Variants in SMAD3 observed in about 807,000 individuals in gnomAD.
SMAD3 encodes SMAD family member 3, also known as MAD homolog 3.
A neutral mutation model predicts 51.8 loss-of-function variants in SMAD3; 12 were observed. That is an observed-to-expected ratio of 0.23 (90% CI 0.15 to 0.38). The LOEUF (loss-of-function observed/expected upper bound fraction) is 0.38. Among genes scored for constraint, SMAD3 ranks in the 10% least tolerant of loss-of-function variants. SMAD3 has a pLI of 1.00. For synonymous variants in SMAD3, 238 were observed against 227.7 expected, an observed-to-expected ratio of 1.05 and a Z score of -0.41; for missense variants, 294 against 565.6, an observed-to-expected ratio of 0.52 and a Z score of 4.87.
chr15:67,080,550 CAG>C (rs772064146), intron 1 of SMAD3, among the ~76,000 whole-genome samples: 3 of 152,166 alleles, frequency 2.0e-5, no homozygotes, highest in Non-Finnish European at 4.4e-5. Flanking sequence ...TGGCCAAGAG[CAG>C]AGACTTCTGG....
At chr15:67,104,366 A>G (rs1431779056) in intron 1 of SMAD3, among the ~76,000 whole-genome samples, 1 of 152,198 alleles carries the variant, frequency 6.6e-6, no homozygotes, top group Non-Finnish European at 1.5e-5. Flanking sequence ...AGAGACACTA[A>G]TCAATGTATC....
chr15:67,124,382 G>A (rs1201471694), intron 1 of SMAD3, among the ~76,000 whole-genome samples: 1 of 152,062 alleles, frequency 6.6e-6, no homozygotes, highest in African/African-American at 2.4e-5. Flanking sequence ...TACACAGCTT[G>A]TTGATCTCCA....
chr15:67,101,012 C>G (rs576596453), intron 1 of SMAD3, among the ~76,000 whole-genome samples: 3 of 152,284 alleles, frequency 2.0e-5, no homozygotes, highest in Admixed American at 2.0e-4. Context: ...TCCATGGGTG[C>G]TCAGGAAACT....
Position 67,066,079 on chromosome 15 carries a change from C to T in SMAD3, c.-76C>T. 2 of 1,149,150 alleles carry T rather than the reference C, an allele frequency of 1.7e-6. No homozygotes were observed. Among genetic ancestry groups the T allele is most frequent in the Non-Finnish European group, 2.5e-6 (2 of 812,998 alleles). The allele number at this position is 1,149,150 out of a possible 1,614,324, so 71.2% of individuals were successfully genotyped here. ...CCGCGGCAGGCCCCGGCCGAGCTCC[C>T]CTCTGCGCCCCCGGCGTCCCGTCGA... On this transcript the variant is annotated 5_prime_UTR_variant, in exon 1 of 9. Transcript: ENST00000327367.
rs757106110 is a variant in SMAD3 at position 67,187,457 on chromosome 15, C to A, written c.1102C>A (p.Arg368=). The part of the protein sequence containing the change: ...QGFEAVYQLT[R]MCTIRMSFVK... ...CTTTGAGGCTGTCTACCAGTTGACC[C>A]GAATGTGCACCATCCGCATGAGCTT... Residue 368 remains arginine (R), a synonymous_variant, in exon 8 of 9, where the codon CGA becomes AGA. Transcript: ENST00000327367. 4.0e-5 allele frequency: 65 copies of A among 1,614,142 alleles called. 1 individual carries two copies. The South Asian group carries it at 4.4e-4, about 11-fold the overall frequency.
intron 5 of SMAD3, among the ~76,000 whole-genome samples, chr15:67,175,989 A>G (rs1962882081): frequency 6.6e-6 from 1 of 152,190 alleles, no homozygotes; most frequent in Admixed American, 6.6e-5. Context: ...CTCTGTCTTC[A>G]TACTCCTGAG....
intron 1 of SMAD3, among the ~76,000 whole-genome samples, chr15:67,117,328 G>A (rs1325266865): frequency 6.6e-6 from 1 of 152,180 alleles, no homozygotes; most frequent in Admixed American, 6.5e-5. Context: ...TGTGATGAAT[G>A]AGCAGGCATG....
intron 1 of SMAD3, among the ~76,000 whole-genome samples, chr15:67,103,404 GAT>G (rs1566969269): frequency 6.6e-6 from 1 of 152,204 alleles, no homozygotes; most frequent in African/African-American, 2.4e-5. Flanking sequence ...GAGAGTGAGG[GAT>G]GAGAAAGAGT....
At position 67,094,613 on chromosome 15, in the gene SMAD3, C is replaced by G. The variant is rs75954158; in HGVS notation, c.206+28253C>G. On this transcript the variant is annotated intron_variant, in intron 1 of 8. Coordinates refer to ENST00000327367, the MANE Select transcript of SMAD3 (RefSeq NM_005902.4). ...TTCACTCCATAAATATATATTACTT[C>G]TAATGTGGCCAGGGCCGAGCTGAAG... Among the ~76,000 whole-genome samples, 26 of 152,312 alleles carry G rather than the reference C, an allele frequency of 1.7e-4. No homozygotes were observed. In the East Asian group the frequency reaches 5.0e-3, roughly 29 times the overall value.
chr15:67,183,574 T>TGATGCATGGGTC (rs756094826), intron 6 of SMAD3, among the ~76,000 whole-genome samples: 6 of 152,020 alleles, frequency 3.9e-5, no homozygotes, highest in Non-Finnish European at 7.4e-5. Context: ...GGACATCCAG[T>TGATGCATGGGTC]GATGCATGGG....
rs540494907 is a variant in SMAD3 at position 67,110,292 on chromosome 15, C to T, written c.206+43932C>T. Among the ~76,000 whole-genome samples, 10 of 152,328 alleles carry T rather than the reference C, an allele frequency of 6.6e-5. No homozygotes were observed. In the South Asian group the frequency reaches 2.1e-3, roughly 32 times the overall value. ...CATATAGATGCAGTGACTCTTGGAA[C>T]ATTCGAGGGAGAATCACCACCTCTG... On this transcript the variant is annotated intron_variant, in intron 1 of 8. Transcript: ENST00000327367.
chr15:67,079,389 C>T (rs1395383787), intron 1 of SMAD3, among the ~76,000 whole-genome samples: 1 of 152,144 alleles, frequency 6.6e-6, no homozygotes, highest in African/African-American at 2.4e-5. Context: ...CCACAGAGAC[C>T]TTAGAGACAA....
In SMAD3 at chr15:67,065,611, A is replaced by C. The variant is rs1005366510; in HGVS notation, c.-544A>C. ...GCACGCGGATTTGCATGAAACACAG[A>C]CTGGGAGCGGGCGGGAGCGGGAGCG... is the stretch of plus-strand genomic sequence containing the variant. On this transcript the variant is annotated 5_prime_UTR_variant, in exon 1 of 9. Transcript: ENST00000327367. 6.9e-6 allele frequency among the ~76,000 whole-genome samples: 1 copy of C among 145,780 alleles called. No homozygotes were observed.
At chr15:67,100,196 A>AT (rs1298400283) in intron 1 of SMAD3, among the ~76,000 whole-genome samples, 7 of 151,632 alleles carry the variant, frequency 4.6e-5, no homozygotes, top group African/African-American at 1.7e-4. Flanking sequence ...AAAAAAAAAA[A>AT]AAAAGGAATG....
intron 1 of SMAD3, among the ~76,000 whole-genome samples, chr15:67,088,428 C>G (rs771145615): frequency 6.6e-6 from 1 of 152,166 alleles, no homozygotes; most frequent in African/African-American, 2.4e-5. Context: ...TGTGAAAACA[C>G]GTGGAAGCGG....
chr15:67,138,166 G>C, intron 1 of SMAD3: 1 of 1,254,408 alleles, frequency 8.0e-7, no homozygotes, highest in Non-Finnish European at 1.1e-6. Context: ...CCGTCCACAG[G>C]GTTGCTGGCC....
At chr15:67,070,933 A>G (rs1477189119) in intron 1 of SMAD3, among the ~76,000 whole-genome samples, 1 of 152,194 alleles carries the variant, frequency 6.6e-6, no homozygotes, top group Non-Finnish European at 1.5e-5. Flanking sequence ...TTTGACAGGT[A>G]TGTTACGTTT....
At chr15:67,101,133 G>C (rs992187738) in intron 1 of SMAD3, among the ~76,000 whole-genome samples, 1 of 152,184 alleles carries the variant, frequency 6.6e-6, no homozygotes, top group African/African-American at 2.4e-5. Context: ...AACAATTCCT[G>C]TTGTGCTACT....
rs189856490 is a variant in SMAD3 at position 67,130,393 on chromosome 15, G to A, written c.207-34502G>A. Among the ~76,000 whole-genome samples, 8 of 152,304 alleles carry A rather than the reference G, an allele frequency of 5.3e-5. No individual in the cohort carries two copies. The South Asian group carries it at 6.2e-4, about 12-fold the overall frequency. On this transcript the variant is annotated intron_variant, in intron 1 of 8. Coordinates refer to ENST00000327367, the MANE Select transcript of SMAD3 (RefSeq NM_005902.4). ...TGCGGCCTGTTAGGAACCGGGTCTC[G>A]TAGTAGTAGGTGAGTGGTGGGCAAG...
Sources: allele counts gnomAD v4.1 joint callset (sites outside exome capture counted in the v4.1 genomes callset), GRCh38; gene constraint gnomAD v4.1.1; transcripts MANE v1.5; gene names NCBI Gene and HGNC (gene_info 2026-07-23, HGNC 2026-07-21).